The following MYOF variants were observed in gnomAD, a reference collection of about 807,000 sequenced individuals.
MYOF encodes fer-1-like 3, myoferlin.
A neutral mutation model predicts 284.2 loss-of-function variants in MYOF; 244 were observed. That is an observed-to-expected ratio of 0.86 (90% confidence interval 0.77 to 0.95). The LOEUF (loss-of-function observed/expected upper bound fraction) is 0.95. Among genes scored for constraint, MYOF ranks in the 40% least tolerant of loss-of-function variants. The pLI, the probability that MYOF is intolerant of heterozygous loss-of-function variation, is 0.00. For missense variants in MYOF, 2,496 were observed against 2,560.6 expected (o/e 0.97, Z 0.54); for synonymous variants, 904 against 919.7 (o/e 0.98, Z 0.31).
chr10:93,436,130 A>G (rs1477718920), intron 3 of MYOF, among the ~76,000 whole-genome samples: 3 of 152,120 alleles, frequency 2.0e-5, no homozygotes, highest in African/African-American at 7.2e-5. Context: ...AGAAATGTGG[A>G]ATGCAACTCG....
At chr10:93,314,706 T>C (rs1842539693) in intron 50 of MYOF, among the ~76,000 whole-genome samples, 1 of 152,216 alleles carries the variant, frequency 6.6e-6, no homozygotes. Context: ...ACTTGGCATT[T>C]TGAGACACAG....
intron 18 of MYOF, 70 bp from the exon 19 acceptor site, chr10:93,387,983 G>C (rs1564673770): frequency 1.6e-6 from 2 of 1,254,056 alleles, no homozygotes; most frequent in Non-Finnish European, 2.3e-6. Flanking sequence ...TCTCTAGTCA[G>C]GCTAATACAA....
chr10:93,331,989 C>T (rs1210031016), intron 43 of MYOF, among the ~76,000 whole-genome samples: 1 of 152,156 alleles, frequency 6.6e-6, no homozygotes, highest in Non-Finnish European at 1.5e-5. Context: ...ATCACCAAGG[C>T]GGTTGGAAAA....
intron 1 of MYOF, 25 bp downstream of exon 1, chr10:93,482,082 G>C (rs759270913): frequency 6.2e-7 from 1 of 1,600,914 alleles, no homozygotes; most frequent in East Asian, 2.2e-5. Context: ...CAGGACTTCA[G>C]AAAAAGAAGA....
intron 2 of MYOF, among the ~76,000 whole-genome samples, chr10:93,452,699 TATA>T (rs986065293): frequency 6.6e-6 from 1 of 151,934 alleles, no homozygotes; most frequent in Non-Finnish European, 1.5e-5. Context: ...GAACTTAAAG[TATA>T]ATAATAACAA....
At chr10:93,389,603 C>T (rs1427978569) in intron 17 of MYOF, among the ~76,000 whole-genome samples, 2 of 152,150 alleles carry the variant, frequency 1.3e-5, no homozygotes, top group South Asian at 2.1e-4. Flanking sequence ...CTAGCAGATG[C>T]TGTTAAAAAT....
At chr10:93,315,685 A>G (rs947579003) in intron 50 of MYOF, among the ~76,000 whole-genome samples, 2 of 152,150 alleles carry the variant, frequency 1.3e-5, no homozygotes, top group Non-Finnish European at 2.9e-5. Flanking sequence ...CGCAGGCTAC[A>G]CGTCCTGGTT....
chr10:93,383,523 C>T (rs374412182), intron 19 of MYOF, among the ~76,000 whole-genome samples: 55 of 152,222 alleles, frequency 3.6e-4, no homozygotes, highest in African/African-American at 1.2e-3. Context: ...TGGGGGTGCA[C>T]GCTACTTGTC....
chr10:93,427,402 G>A (rs1315787160), intron 4 of MYOF, among the ~76,000 whole-genome samples: 1 of 151,520 alleles, frequency 6.6e-6, no homozygotes, highest in Admixed American at 6.6e-5. Context: ...TTGGTGGCAG[G>A]TGCCTGTAAT....
chr10:93,319,813 C>A (rs1842775996), intron 49 of MYOF, 59 bp downstream of exon 49: 2 of 1,606,168 alleles, frequency 1.2e-6, no homozygotes, highest in South Asian at 2.2e-5. Flanking sequence ...ATTCTATGAG[C>A]TTCTGAGTTA....
At chr10:93,453,427 G>C (rs948705740) in intron 2 of MYOF, among the ~76,000 whole-genome samples, 2 of 151,940 alleles carry the variant, frequency 1.3e-5, no homozygotes, top group African/African-American at 4.8e-5. Flanking sequence ...ACCTCCCAAA[G>C]TGCTGGGATT....
chr10:93,384,666 G>T (rs1589478753), intron 19 of MYOF, among the ~76,000 whole-genome samples: 1 of 148,042 alleles, frequency 6.8e-6, no homozygotes, highest in East Asian at 2.0e-4. Flanking sequence ...AAAAAAAGAA[G>T]AATGTAAGTT....
rs1204174705 is a variant in MYOF at position 93,387,917 on chromosome 10, A to C, written c.1582-4T>G. 4 of 1,607,298 alleles carry C rather than the reference A, an allele frequency of 2.5e-6. No homozygotes were observed. The highest frequency in any genetic ancestry group is 1.7e-5 in the Admixed American group (1 of 60,008). On this transcript the variant is annotated splice_region_variant and splice_polypyrimidine_tract_variant and intron_variant, in intron 18 of 53. Coordinates refer to ENST00000359263, the MANE Select transcript of MYOF (RefSeq NM_013451.4). ...CTCTGTAGGCAACTCCTTCCCCCTG[A>C]AAGGCAATAATCCAGGATTATTCCT...
intron 3 of MYOF, among the ~76,000 whole-genome samples, chr10:93,447,417 G>A (rs1449725419): frequency 6.6e-6 from 1 of 152,098 alleles, no homozygotes; most frequent in Non-Finnish European, 1.5e-5. Flanking sequence ...GGACGTGCTC[G>A]GTGGATGGCA....
chr10:93,354,557 C>T (rs1261663620), intron 31 of MYOF, among the ~76,000 whole-genome samples: 1 of 152,114 alleles, frequency 6.6e-6, no homozygotes, highest in Admixed American at 6.6e-5. Context: ...TATACTACTT[C>T]AGCATCAGAT....
chr10:93,455,322 GAA>G (rs2056717768), intron 2 of MYOF, among the ~76,000 whole-genome samples: 4 of 149,984 alleles, frequency 2.7e-5, no homozygotes, highest in African/African-American at 7.3e-5. Flanking sequence ...AACAAAAAAA[GAA>G]CAAAAAAAAC....
chr10:93,378,693 G>GTGTGTGTATATATATATA lies in MYOF; in HGVS notation c.2001+1169_2001+1170insTATATATATATACACACA. ...TATGTGTGTGTGTATGTGTGTGTGTGTATATATATATATATATATATATGT... is the reference window on the plus strand; with the variant it reads ...TATGTGTGTGTGTATGTGTGTGTGTGTGTGTGTATATATATATATATATATATATATATATATATATGT... On this transcript the variant is annotated intron_variant, in intron 21 of 53. Coordinates refer to ENST00000359263, the MANE Select transcript of MYOF (RefSeq NM_013451.4). 3.7e-3 allele frequency among the ~76,000 whole-genome samples: 321 copies of GTGTGTGTATATATATATA among 87,686 alleles called. 15 individuals are homozygous for GTGTGTGTATATATATATA. Among genetic ancestry groups the GTGTGTGTATATATATATA allele is most frequent in the East Asian group, 0.036 (44 of 1,224 alleles). The allele number at this position is 87,686 out of a possible 152,430, so 57.5% of individuals were successfully genotyped here. A position where few individuals can be genotyped will look rare whatever the true frequency, so the allele number is the denominator to read the frequency against.
intron 39 of MYOF, among the ~76,000 whole-genome samples, chr10:93,339,451 C>A (rs1266322765): frequency 1.3e-5 from 2 of 151,378 alleles, no homozygotes; most frequent in African/African-American, 4.8e-5. Flanking sequence ...GGGTCAGCAA[C>A]CTACACATGG....
intron 1 of MYOF, among the ~76,000 whole-genome samples, chr10:93,464,132 G>T (rs1051118964): frequency 3.9e-5 from 6 of 152,186 alleles, no homozygotes; most frequent in Non-Finnish European, 7.3e-5. Context: ...ACAGTTGAAG[G>T]TCTTAAAAGC....
Sources: allele counts gnomAD v4.1 joint callset (sites outside exome capture counted in the v4.1 genomes callset), GRCh38; gene constraint gnomAD v4.1.1; transcripts MANE v1.5; gene names NCBI Gene and HGNC (gene_info 2026-07-23, HGNC 2026-07-21).